The following TOP6BL variants were observed in gnomAD, a reference collection of about 807,000 sequenced individuals.
The protein encoded by TOP6BL is TOP6B like initiator of meiotic double strand breaks.
chr11:66,801,317 T>C, the TOP6BL span, among the ~76,000 whole-genome samples: 1 of 152,206 alleles, frequency 6.6e-6, no homozygotes, highest in Non-Finnish European at 1.5e-5. Context: ...CCTGAAGACA[T>C]GTGCCTTCTT....
At chr11:66,778,466 A>G in the TOP6BL span, among the ~76,000 whole-genome samples, 15 of 152,274 alleles carry the variant, frequency 9.9e-5, no homozygotes, top group Non-Finnish European at 1.9e-4. Context: ...ACTGTCTCCA[A>G]AAATAAAATA....
At chr11:66,816,572 A>T in the TOP6BL span, among the ~76,000 whole-genome samples, 2 of 151,822 alleles carry the variant, frequency 1.3e-5, no homozygotes, top group South Asian at 2.1e-4. Context: ...ATGTTTTTAA[A>T]TTTTTTTTAT....
chr11:66,783,597 T>A, the TOP6BL span, among the ~76,000 whole-genome samples: 26 of 152,326 alleles, frequency 1.7e-4, no homozygotes, highest in East Asian at 1.5e-3. Flanking sequence ...GTGGCTTTTT[T>A]AATTTTTGCT....
At chr11:66,838,538 T>TACTAC in the TOP6BL span, 4 of 1,164,486 alleles carry the variant, frequency 3.4e-6, no homozygotes, top group Non-Finnish European at 3.7e-6. Context: ...CTGTACCTTC[T>TACTAC]ACTACAGCGG....
chr11:66,817,985 A>G, the TOP6BL span, among the ~76,000 whole-genome samples: 1 of 152,184 alleles, frequency 6.6e-6, no homozygotes, highest in African/African-American at 2.4e-5. Flanking sequence ...GGAAAGTTAC[A>G]AGGAGAAGTG....
chr11:66,812,001 A>G, the TOP6BL span, among the ~76,000 whole-genome samples: 1 of 152,320 alleles, frequency 6.6e-6, no homozygotes, highest in African/African-American at 2.4e-5. Context: ...ACAATTTCTA[A>G]TCCAAAAATA....
the TOP6BL span, among the ~76,000 whole-genome samples, chr11:66,833,421 T>C: frequency 6.6e-6 from 1 of 152,066 alleles, no homozygotes; most frequent in Admixed American, 6.6e-5. Context: ...TCAAATAAGC[T>C]CACATTCACA....
the TOP6BL span, among the ~76,000 whole-genome samples, chr11:66,842,262 G>A: frequency 1.3e-5 from 2 of 152,306 alleles, no homozygotes; most frequent in African/African-American, 4.8e-5. Context: ...ACATCCAGAG[G>A]TGGTCGGCTT....
chr11:66,751,219 G>A, the TOP6BL span, among the ~76,000 whole-genome samples: 4 of 152,098 alleles, frequency 2.6e-5, no homozygotes, highest in Non-Finnish European at 5.9e-5. Flanking sequence ...TTGAGGCAGA[G>A]TCTCACTCTG....
chr11:66,817,067 C>T, the TOP6BL span, among the ~76,000 whole-genome samples: 2 of 152,132 alleles, frequency 1.3e-5, no homozygotes, highest in African/African-American at 4.8e-5. Context: ...GCAGGAGAAT[C>T]TCTTGAACCC....
At chr11:66,778,825 A>G in the TOP6BL span, among the ~76,000 whole-genome samples, 1 of 152,302 alleles carries the variant, frequency 6.6e-6, no homozygotes, top group East Asian at 1.9e-4. Flanking sequence ...ATATAGACCA[A>G]TGGAACAGAA....
chr11:66,802,828 T>TA, the TOP6BL span, among the ~76,000 whole-genome samples: 1 of 152,226 alleles, frequency 6.6e-6, no homozygotes, highest in Non-Finnish European at 1.5e-5. Context: ...AAACAATCCT[T>TA]ACAGGTAGCA....
At chr11:66,807,552 C>T in the TOP6BL span, among the ~76,000 whole-genome samples, 1 of 152,078 alleles carries the variant, frequency 6.6e-6, no homozygotes, top group African/African-American at 2.4e-5. Context: ...GCCTGGGCAA[C>T]AAGAGTGAGA....
At chr11:66,752,946 C>T in the TOP6BL span, among the ~76,000 whole-genome samples, 13 of 151,954 alleles carry the variant, frequency 8.6e-5, no homozygotes, top group East Asian at 3.9e-4. Context: ...CTGGGCGACA[C>T]GGTGAAACCC....
At chr11:66,816,228 TG>T in the TOP6BL span, 1 of 1,592,052 alleles carries the variant, frequency 6.3e-7, no homozygotes, top group South Asian at 1.1e-5. Flanking sequence ...GGTTGCCAGC[TG>T]GGGTGTGCCA....
the TOP6BL span, among the ~76,000 whole-genome samples, chr11:66,766,898 T>C: frequency 6.6e-6 from 1 of 152,268 alleles, no homozygotes; most frequent in African/African-American, 2.4e-5. Flanking sequence ...TATTGTGTAA[T>C]GTCTGCATTC....
the TOP6BL span, among the ~76,000 whole-genome samples, chr11:66,794,987 A>C: frequency 6.6e-6 from 1 of 152,000 alleles, no homozygotes; most frequent in African/African-American, 2.4e-5. Context: ...ACAAAAAATC[A>C]GCCAGGCATG....
chr11:66,791,609 A>G, the TOP6BL span, among the ~76,000 whole-genome samples: 2 of 152,158 alleles, frequency 1.3e-5, no homozygotes, highest in Non-Finnish European at 2.9e-5. Flanking sequence ...ATTCTGTCAT[A>G]TAATTAGACA....
the TOP6BL span, among the ~76,000 whole-genome samples, chr11:66,829,802 C>A: frequency 6.6e-6 from 1 of 151,984 alleles, no homozygotes; most frequent in Non-Finnish European, 1.5e-5. Context: ...GGTGGAAGAA[C>A]TGCATGAGCC....
Sources: gnomAD v4.1 joint callset for allele counts (sites outside exome capture counted in the v4.1 genomes callset) on GRCh38, gnomAD v4.1.1 for gene constraint, MANE v1.5 for transcripts, NCBI Gene and HGNC (gene_info 2026-07-23, HGNC 2026-07-21) for gene names.